Variants in ATRNL1 observed in about 807,000 individuals in gnomAD.
ATRNL1 encodes the protein attractin-like protein 1.
In ATRNL1, 95 loss-of-function variants were observed where a neutral mutation model predicts 182.7. That is an observed-to-expected ratio of 0.52 (90% CI 0.44 to 0.62). The LOEUF is 0.62. ATRNL1 is among the 20% of genes least tolerant of loss of function. The pLI, the probability that ATRNL1 is intolerant of heterozygous loss-of-function variation, is 0.00. For missense variants in ATRNL1, 1,471 were observed against 1,679.5 expected, an observed-to-expected ratio of 0.88 and a Z score of 2.17; for synonymous variants, 576 against 568.3, an observed-to-expected ratio of 1.01 and a Z score of -0.19.
intron 15 of ATRNL1, among the ~76,000 whole-genome samples, chr10:115,289,480 C>T (rs1020440565): frequency 2.6e-5 from 4 of 151,968 alleles, no homozygotes; most frequent in South Asian, 2.1e-4. Context: ...GAAGTTTTTT[C>T]ATATGTTTTC....
chr10:115,172,327 C>T (rs1847325310), intron 8 of ATRNL1, among the ~76,000 whole-genome samples: 1 of 151,942 alleles, frequency 6.6e-6, no homozygotes, highest in African/African-American at 2.4e-5. Flanking sequence ...GAATATATCA[C>T]CTATTACTTC....
intron 27 of ATRNL1, among the ~76,000 whole-genome samples, chr10:115,759,988 G>A (rs1326421664): frequency 1.3e-5 from 2 of 150,676 alleles, no homozygotes; most frequent in East Asian, 2.0e-4. Context: ...CACTGTACCC[G>A]GCCTGAGTAA....
intron 26 of ATRNL1, among the ~76,000 whole-genome samples, chr10:115,679,302 G>A (rs990102916): frequency 4.0e-4 from 60 of 151,500 alleles, no homozygotes; most frequent in African/African-American, 1.4e-3. Context: ...GTTTTTGTTT[G>A]TTTGGTTGGT....
At chr10:115,546,279 C>T (rs905365571) in intron 25 of ATRNL1, among the ~76,000 whole-genome samples, 1 of 151,874 alleles carries the variant, frequency 6.6e-6, no homozygotes, top group African/African-American at 2.4e-5. Flanking sequence ...TTAAGAGTTA[C>T]ATTGGCCAGG....
chr10:115,456,534 G>A (rs1847531673), intron 21 of ATRNL1, among the ~76,000 whole-genome samples: 2 of 152,074 alleles, frequency 1.3e-5, no homozygotes, highest in Admixed American at 1.3e-4. Context: ...ACCTAATACA[G>A]ATGACAGGTT....
At chr10:115,498,580 G>A (rs182367141) in intron 24 of ATRNL1, among the ~76,000 whole-genome samples, 29 of 151,952 alleles carry the variant, frequency 1.9e-4, no homozygotes, top group African/African-American at 6.7e-4. Flanking sequence ...GCACCTCACT[G>A]TTACTACATT....
intron 28 of ATRNL1, among the ~76,000 whole-genome samples, chr10:115,881,559 G>A (rs544894506): frequency 2.2e-3 from 340 of 152,226 alleles, no homozygotes; most frequent in African/African-American, 7.8e-3. Context: ...TTTACATTCA[G>A]TTAAATACTA....
intron 27 of ATRNL1, among the ~76,000 whole-genome samples, chr10:115,836,836 T>C: frequency 6.6e-6 from 1 of 152,188 alleles, no homozygotes; most frequent in East Asian, 1.9e-4. Flanking sequence ...CAAGATCTGC[T>C]TCCCAGTTGA....
intron 26 of ATRNL1, among the ~76,000 whole-genome samples, chr10:115,656,590 C>T (rs191372124): frequency 2.6e-5 from 4 of 152,174 alleles, no homozygotes; most frequent in East Asian, 3.9e-4. Flanking sequence ...TGGCCACCCA[C>T]CACCCTGAAC....
At chr10:115,693,655 C>T (rs1299092408) in intron 26 of ATRNL1, among the ~76,000 whole-genome samples, 6 of 152,064 alleles carry the variant, frequency 3.9e-5, no homozygotes, top group African/African-American at 1.2e-4. Context: ...CTAGGCTATA[C>T]GGTATGGCCT....
chr10:115,804,257 A>G (rs1949867042), intron 27 of ATRNL1, among the ~76,000 whole-genome samples: 1 of 152,172 alleles, frequency 6.6e-6, no homozygotes, highest in South Asian at 2.1e-4. Flanking sequence ...CTATTTGACT[A>G]ACATCTCCCC....
chr10:115,779,263 G>A (rs1361774721), intron 27 of ATRNL1, among the ~76,000 whole-genome samples: 1 of 152,190 alleles, frequency 6.6e-6, no homozygotes, highest in East Asian at 1.9e-4. Context: ...CATGTTAAAT[G>A]TGAGTTGTGG....
At chr10:115,563,144 G>T (rs978717800) in intron 26 of ATRNL1, among the ~76,000 whole-genome samples, 3 of 152,110 alleles carry the variant, frequency 2.0e-5, no homozygotes, top group African/African-American at 7.2e-5. Flanking sequence ...TGTACAAGAA[G>T]CATGGGACCA....
At chr10:115,432,702 G>A (rs1227630378) in intron 21 of ATRNL1, among the ~76,000 whole-genome samples, 1 of 151,972 alleles carries the variant, frequency 6.6e-6, no homozygotes, top group East Asian at 1.9e-4. Context: ...ACAAAGGAGG[G>A]AAAACGTTCA....
chr10:115,907,879 A>G (rs1952550516), intron 28 of ATRNL1, among the ~76,000 whole-genome samples: 1 of 152,214 alleles, frequency 6.6e-6, no homozygotes, highest in Non-Finnish European at 1.5e-5. Context: ...CTAACCAGCA[A>G]GCTGCCTACC....
intron 26 of ATRNL1, among the ~76,000 whole-genome samples, chr10:115,682,655 C>T (rs1593060605): frequency 6.6e-6 from 1 of 150,974 alleles, no homozygotes; most frequent in Non-Finnish European, 1.5e-5. Context: ...AGTAAACACT[C>T]AATAGATAAT....
chr10:115,423,250 A>G (rs1273949794), intron 20 of ATRNL1, among the ~76,000 whole-genome samples: 1 of 152,112 alleles, frequency 6.6e-6, no homozygotes. Context: ...AAAGGTAAAA[A>G]TTGGCCAGGT....
chr10:115,431,005 T>C (rs1846133457), intron 21 of ATRNL1, among the ~76,000 whole-genome samples: 1 of 152,088 alleles, frequency 6.6e-6, no homozygotes, highest in Admixed American at 6.5e-5. Flanking sequence ...TTGTAGATGG[T>C]TTGGTTTTCT....
intron 25 of ATRNL1, among the ~76,000 whole-genome samples, chr10:115,522,318 A>G (rs1469643243): frequency 6.6e-6 from 1 of 152,166 alleles, no homozygotes; most frequent in Non-Finnish European, 1.5e-5. Flanking sequence ...TCATGGCAGA[A>G]GAGGAAGCGG....
Sources: gnomAD v4.1 joint callset for allele counts (sites outside exome capture counted in the v4.1 genomes callset) on GRCh38, gnomAD v4.1.1 for gene constraint, MANE v1.5 for transcripts, NCBI Gene and HGNC (gene_info 2026-07-23, HGNC 2026-07-21) for gene names.